Variants in THSD7B observed in about 807,000 individuals in gnomAD.
THSD7B encodes thrombospondin type-1 domain-containing protein 7B.
THSD7B carries 138 observed loss-of-function variants against 213.6 expected under a neutral mutation model. The observed-to-expected ratio is 0.65, with a 90% CI of 0.56 to 0.74. The LOEUF is 0.74. Among genes scored for constraint, THSD7B ranks in the 30% least tolerant of loss-of-function variants. The pLI, the probability that THSD7B is intolerant of heterozygous loss-of-function variation, is 0.00. For missense variants in THSD7B, 1,931 were observed against 1,991.5 expected (o/e 0.97, Z 0.58); for synonymous variants, 742 against 687.0 (o/e 1.08, Z -1.25).
At chr2:137,168,933 C>G (rs35260924) in intron 6 of THSD7B, among the ~76,000 whole-genome samples, 9,408 of 152,020 alleles carry the variant, frequency 0.062, 301 homozygotes, top group Admixed American at 0.081. Context: ...GCTTAGGAAG[C>G]AATATGAGCC....
intron 2 of THSD7B, among the ~76,000 whole-genome samples, chr2:136,995,150 C>T (rs1685859819): frequency 6.6e-6 from 1 of 152,154 alleles, no homozygotes; most frequent in Admixed American, 6.5e-5. Flanking sequence ...CCTACCCAAC[C>T]CAGGACTCTA....
intron 2 of THSD7B, among the ~76,000 whole-genome samples, chr2:136,890,304 CTTCTTCTTCTTCTTCT>C (rs1683796055): frequency 9.3e-5 from 1 of 10,730 alleles, no homozygotes. Context: ...TGTCCTACTC[CTTCTTCTTCTTCTTCT>C]TCTTCTTCTT....
rs181014089 is a variant in THSD7B at position 136,824,096 on chromosome 2, A to G, written c.-35-58048A>G. ...ACCATTTTACAGATGAGGAAACTGA[A>G]GTATAAAAAAGAAACTTTTCCAAAG... is the stretch of plus-strand genomic sequence containing the variant. On this transcript the variant is annotated intron_variant, in intron 1 of 27. Coordinates refer to ENST00000409968, the MANE Select transcript of THSD7B (RefSeq NM_001316349.2). 3.1e-3 allele frequency among the ~76,000 whole-genome samples: 471 copies of G among 152,310 alleles called. 2 individuals are homozygous for G. Among genetic ancestry groups the G allele is most frequent in the African/African-American group, 0.011 (443 of 41,586 alleles).
At chr2:136,951,849 A>T (rs944968068) in intron 2 of THSD7B, among the ~76,000 whole-genome samples, 5 of 152,056 alleles carry the variant, frequency 3.3e-5, no homozygotes, top group Non-Finnish European at 7.4e-5. Context: ...AAGTTTTTTT[A>T]AAATTTATTT....
intron 15 of THSD7B, among the ~76,000 whole-genome samples, chr2:137,551,766 A>G (rs556699180): frequency 6.6e-5 from 10 of 152,174 alleles, no homozygotes; most frequent in Non-Finnish European, 1.2e-4. Context: ...TGGGAAGCTC[A>G]GAGTATTCTG....
intron 20 of THSD7B, among the ~76,000 whole-genome samples, chr2:137,624,188 T>A (rs1476231947): frequency 6.6e-6 from 1 of 152,150 alleles, no homozygotes; most frequent in Non-Finnish European, 1.5e-5. Flanking sequence ...TCTACAACCA[T>A]CTGATCTTTG....
rs1316400158 is a variant in THSD7B, at chr2:137,677,318, A to G, written c.*713A>G. 6.6e-6 allele frequency: 1 copy of G among 152,514 alleles called. No homozygotes were observed. Among genetic ancestry groups the G allele is most frequent in the East Asian group, 1.9e-4 (1 of 5,198 alleles). The allele number at this position is 152,514 out of a possible 1,614,324, so 9.4% of individuals were successfully genotyped here. On this transcript the variant is annotated 3_prime_UTR_variant, in exon 28 of 28. Transcript: ENST00000409968. ...CTGAATGTTAGAGTGTACAAATGAA[A>G]TATGTGGTTAAATTGGAGAATGAGG...
At chr2:137,622,213 T>G (rs761679845) in intron 20 of THSD7B, among the ~76,000 whole-genome samples, 3 of 151,928 alleles carry the variant, frequency 2.0e-5, no homozygotes, top group African/African-American at 7.2e-5. Context: ...TAAAAACTCA[T>G]GTTCCTCTCA....
At chr2:136,912,328 A>T (rs1028152951) in intron 2 of THSD7B, among the ~76,000 whole-genome samples, 6 of 139,380 alleles carry the variant, frequency 4.3e-5, no homozygotes, top group Non-Finnish European at 9.6e-5. Context: ...TCTCAAAAAA[A>T]AAAAAAAAAA....
chr2:137,421,223 C>G (rs1041863194), intron 14 of THSD7B, among the ~76,000 whole-genome samples: 3 of 152,172 alleles, frequency 2.0e-5, no homozygotes, highest in African/African-American at 4.8e-5. Flanking sequence ...TTCCCCCACA[C>G]ACCCAGCAGC....
intron 2 of THSD7B, among the ~76,000 whole-genome samples, chr2:136,892,691 A>T (rs1051746940): frequency 2.0e-5 from 3 of 151,890 alleles, no homozygotes; most frequent in African/African-American, 7.3e-5. Flanking sequence ...GAGATTAAGG[A>T]AGGGACAGAG....
chr2:137,383,025 C>G (rs940323327), intron 12 of THSD7B, among the ~76,000 whole-genome samples: 1 of 152,160 alleles, frequency 6.6e-6, no homozygotes, highest in Non-Finnish European at 1.5e-5. Flanking sequence ...ACCAAGGAAG[C>G]GACACCTATG....
chr2:137,619,047 C>CT (rs1024550641), intron 19 of THSD7B, among the ~76,000 whole-genome samples: 5 of 152,126 alleles, frequency 3.3e-5, no homozygotes, highest in Non-Finnish European at 5.9e-5. Flanking sequence ...TATAGCCCTC[C>CT]TTTTTTTCCC....
At chr2:137,671,146 C>CAGA (rs1301782456) in intron 27 of THSD7B, among the ~76,000 whole-genome samples, 7 of 150,922 alleles carry the variant, frequency 4.6e-5, no homozygotes, top group Admixed American at 1.3e-4. Flanking sequence ...GCTGCTGTTT[C>CAGA]AGAAGTTTTA....
At chr2:137,266,273 A>G (rs939768868) in intron 10 of THSD7B, among the ~76,000 whole-genome samples, 4 of 152,252 alleles carry the variant, frequency 2.6e-5, no homozygotes, top group African/African-American at 9.6e-5. Context: ...CTGTTTTACA[A>G]CTTAGGAAGT....
At chr2:137,014,045 C>G (rs1326304723) in intron 2 of THSD7B, among the ~76,000 whole-genome samples, 2 of 152,172 alleles carry the variant, frequency 1.3e-5, no homozygotes. Flanking sequence ...GGAGAGCTGA[C>G]TGCACGCCCT....
At chr2:137,025,635 A>G (rs1686539138) in intron 2 of THSD7B, among the ~76,000 whole-genome samples, 1 of 152,144 alleles carries the variant, frequency 6.6e-6, no homozygotes, top group African/African-American at 2.4e-5. Context: ...TGGCTCTGCT[A>G]TTCCCTAGAG....
intron 12 of THSD7B, among the ~76,000 whole-genome samples, chr2:137,401,818 A>T (rs577656599): frequency 3.9e-5 from 6 of 151,936 alleles, no homozygotes; most frequent in Non-Finnish European, 5.9e-5. Context: ...TACAATACCA[A>T]TTTATAAAGA....
intron 15 of THSD7B, among the ~76,000 whole-genome samples, chr2:137,530,897 A>C (rs1006836890): frequency 1.4e-4 from 21 of 152,022 alleles, no homozygotes; most frequent in African/African-American, 5.1e-4. Flanking sequence ...GAGTGCAGGC[A>C]TCATTGGTCC....
Sources: allele counts gnomAD v4.1 joint callset (sites outside exome capture counted in the v4.1 genomes callset), GRCh38; gene constraint gnomAD v4.1.1; transcripts MANE v1.5; gene names NCBI Gene and HGNC (gene_info 2026-07-23, HGNC 2026-07-21).